Variants in BIRC6 observed in about 807,000 individuals in gnomAD.
BIRC6 encodes dual E2 ubiquitin-conjugating enzyme/E3 ubiquitin-protein ligase BIRC6.
In BIRC6, 98 loss-of-function variants were observed where a neutral mutation model predicts 503.3. That is an observed-to-expected ratio of 0.19 (90% confidence interval 0.17 to 0.23). The LOEUF (loss-of-function observed/expected upper bound fraction) is 0.23. BIRC6 is among the 10% of genes least tolerant of loss of function. The pLI, the probability that BIRC6 is intolerant of heterozygous loss-of-function variation, is 1.00. For missense variants in BIRC6, 5,360 were observed against 5,806.0 expected (o/e 0.92, Z 2.50); for synonymous variants, 2,240 against 2,078.7 (o/e 1.08, Z -2.11).
chr2:32,449,074 T>C (rs937682471), intron 22 of BIRC6, 146 bp downstream of exon 22: 15 of 686,544 alleles, frequency 2.2e-5, no homozygotes, highest in Non-Finnish European at 3.1e-5. Flanking sequence ...TTAAAATGTT[T>C]CCTAGAAGTT....
At chr2:32,617,492 T>A (rs561077929) in intron 73 of BIRC6, among the ~76,000 whole-genome samples, 1 of 152,236 alleles carries the variant, frequency 6.6e-6, no homozygotes, top group Non-Finnish European at 1.5e-5. Flanking sequence ...TAGGATCTAC[T>A]GGTGGGTTAC....
chr2:32,435,589 A>G lies in BIRC6; in HGVS notation c.3499+4A>G. On this transcript the variant is annotated splice_donor_region_variant and intron_variant, in intron 14 of 73. Coordinates refer to ENST00000421745, the MANE Select transcript of BIRC6 (RefSeq NM_016252.4). ...ATGGATGTAGAGGAATCACAGTGTG[A>G]GTTAAATTATAGAGCTGTTGTCCAT... 6.4e-7 allele frequency: 1 copy of G among 1,550,948 alleles called. No homozygotes were observed. The highest frequency in any genetic ancestry group is 8.7e-7 in the Non-Finnish European group (1 of 1,146,986).
At chr2:32,604,571 A>G (rs2062301257) in intron 71 of BIRC6, among the ~76,000 whole-genome samples, 1 of 152,234 alleles carries the variant, frequency 6.6e-6, no homozygotes, top group South Asian at 2.1e-4. Context: ...TTTGAATTTA[A>G]TTGCAGGAAG....
At chr2:32,610,815 C>T (rs1246498614) in intron 72 of BIRC6, among the ~76,000 whole-genome samples, 2 of 152,144 alleles carry the variant, frequency 1.3e-5, no homozygotes, top group Non-Finnish European at 2.9e-5. Context: ...GTCGCCCAGG[C>T]TGGAGTGCAG....
At chr2:32,450,774 G>A (rs1012735839) in intron 22 of BIRC6, among the ~76,000 whole-genome samples, 2 of 152,138 alleles carry the variant, frequency 1.3e-5, no homozygotes, top group African/African-American at 4.8e-5. Context: ...AGTGCAGTTT[G>A]TGTATAACTT....
chr2:32,608,519 A>G (rs1021467207), intron 72 of BIRC6, among the ~76,000 whole-genome samples: 13 of 151,986 alleles, frequency 8.6e-5, no homozygotes, highest in African/African-American at 3.1e-4. Context: ...AGTTCAAGCT[A>G]TTCTCCTGCC....
chr2:32,448,543 CG>C (rs1558755101), intron 21 of BIRC6, among the ~76,000 whole-genome samples: 2 of 150,984 alleles, frequency 1.3e-5, no homozygotes, highest in South Asian at 2.1e-4. Context: ...GGCAGGCACT[CG>C]GCAGGCTGAG....
intron 61 of BIRC6, among the ~76,000 whole-genome samples, chr2:32,533,012 T>G (rs551175083): frequency 1.3e-5 from 2 of 152,252 alleles, no homozygotes; most frequent in Admixed American, 6.5e-5. Context: ...TTGAATAGAT[T>G]GTTAGATAAA....
At chr2:32,536,878 T>A (rs1156505566) in intron 61 of BIRC6, among the ~76,000 whole-genome samples, 1 of 152,204 alleles carries the variant, frequency 6.6e-6, no homozygotes, top group Non-Finnish European at 1.5e-5. Context: ...TGATATTCAT[T>A]CTTCCTACCC....
chr2:32,369,982 A>ATG (rs1207582176), intron 1 of BIRC6, among the ~76,000 whole-genome samples: 1 of 44,554 alleles, frequency 2.2e-5, no homozygotes, highest in Non-Finnish European at 4.1e-5. Context: ...ATATATATAT[A>ATG]TATGTATGTA....
intron 23 of BIRC6, among the ~76,000 whole-genome samples, chr2:32,456,640 A>G (rs932405801): frequency 4.6e-5 from 7 of 152,192 alleles, no homozygotes; most frequent in African/African-American, 1.7e-4. Flanking sequence ...TGAGAATTGT[A>G]GAGGGTCAAA....
chr2:32,388,004 A>G (rs568663419), intron 3 of BIRC6, among the ~76,000 whole-genome samples: 24 of 152,340 alleles, frequency 1.6e-4, no homozygotes, highest in African/African-American at 5.5e-4. Context: ...AGATTAAATT[A>G]AGCTAATTAA....
rs1261658027 is a variant in BIRC6, at chr2:32,490,140, T to G, written c.8195T>G (p.Met2732Arg). ...VLHSLTLMTN[M>R]QLNSGSSSAI... ...CATAGCCTAACACTCATGACAAACA[T>G]GCAGCTTAATTGTAAGTTCATAAAT... The change falls in exon 43 of 74, where the codon ATG becomes AGG. Residue 2732 changes from methionine to arginine, a missense_variant. Transcript: ENST00000421745. 1 of 1,601,818 alleles carries G rather than the reference T, an allele frequency of 6.2e-7. No individual in the cohort carries two copies.
intron 1 of BIRC6, among the ~76,000 whole-genome samples, chr2:32,372,520 A>T (rs746681691): frequency 1.3e-5 from 2 of 152,050 alleles, no homozygotes; most frequent in Admixed American, 6.6e-5. Flanking sequence ...GTATTGATGC[A>T]TCATTATTTG....
chr2:32,579,008 TAC>T (rs1430900618), intron 66 of BIRC6, among the ~76,000 whole-genome samples: 2 of 57,472 alleles, frequency 3.5e-5, no homozygotes, highest in Non-Finnish European at 6.9e-5. Context: ...TATATATATA[TAC>T]CTAATATATA....
intron 45 of BIRC6, 140 bp downstream of exon 45, chr2:32,493,807 A>G (rs1211207004): frequency 7.8e-6 from 5 of 642,918 alleles, no homozygotes; most frequent in Non-Finnish European, 1.3e-5. Flanking sequence ...GGAAGGATAT[A>G]TTGGTGTGTT....
intron 21 of BIRC6, among the ~76,000 whole-genome samples, chr2:32,447,633 C>G (rs560125486): frequency 2.9e-3 from 208 of 72,122 alleles, no homozygotes; most frequent in Admixed American, 3.9e-3. Context: ...TCCCGGACGG[C>G]GCGGCTGGCC....
chr2:32,502,160 C>G (rs1335218235), intron 47 of BIRC6, among the ~76,000 whole-genome samples: 5 of 152,070 alleles, frequency 3.3e-5, no homozygotes, highest in African/African-American at 1.2e-4. Flanking sequence ...AAGTTCTTCT[C>G]TTTTTCCTAA....
chr2:32,481,583 A>G (rs1320521532), intron 38 of BIRC6, 130 bp downstream of exon 38: 2 of 666,346 alleles, frequency 3.0e-6, no homozygotes, highest in Non-Finnish European at 4.5e-6. Flanking sequence ...TGGCCAACAT[A>G]GTGAAATCCC....
Sources: allele counts gnomAD v4.1 joint callset (sites outside exome capture counted in the v4.1 genomes callset), GRCh38; gene constraint gnomAD v4.1.1; transcripts MANE v1.5; gene names NCBI Gene and HGNC (gene_info 2026-07-23, HGNC 2026-07-21).